Variants in SLC24A2 observed in about 807,000 individuals in gnomAD.
SLC24A2 encodes the protein solute carrier family 24 member 2.
A neutral mutation model predicts 62.0 loss-of-function variants in SLC24A2; 36 were observed. The ratio of observed to expected loss-of-function variants is 0.58; its 90% CI spans 0.44 to 0.77. The LOEUF (loss-of-function observed/expected upper bound fraction) is 0.77, where lower values mean the gene tolerates loss of function less well. Among genes scored for constraint, SLC24A2 ranks in the 30% least tolerant of loss-of-function variants. SLC24A2 has a pLI of 0.00. For missense variants in SLC24A2, 846 were observed against 817.9 expected (o/e 1.03, Z -0.42); for synonymous variants, 358 against 294.0 (o/e 1.22, Z -2.23).
chr9:20,292,735 A>G, the SLC24A2 span, among the ~76,000 whole-genome samples: 1 of 152,160 alleles, frequency 6.6e-6, no homozygotes, highest in African/African-American at 2.4e-5. Context: ...GGCCACAGGC[A>G]TGCACCACCA....
At chr9:20,159,421 G>A in the SLC24A2 span, among the ~76,000 whole-genome samples, 6 of 151,484 alleles carry the variant, frequency 4.0e-5, no homozygotes, top group African/African-American at 1.5e-4. Context: ...CTTGGCCCCA[G>A]AAACCAATTT....
At chr9:19,636,727 C>T (rs946037096) in intron 2 of SLC24A2, among the ~76,000 whole-genome samples, 3 of 152,032 alleles carry the variant, frequency 2.0e-5, no homozygotes, top group Non-Finnish European at 4.4e-5. Flanking sequence ...AGCCACCACG[C>T]CTGGCCAGTA....
the SLC24A2 span, among the ~76,000 whole-genome samples, chr9:20,225,560 T>TTATATATATATATATACTATA: frequency 1.0e-5 from 1 of 100,270 alleles, no homozygotes; most frequent in Admixed American, 1.1e-4. Context: ...ACTATATATA[T>TTATATATATATATATACTATA]TATATATATA....
the SLC24A2 span, among the ~76,000 whole-genome samples, chr9:20,270,012 G>GA: frequency 6.6e-6 from 1 of 152,180 alleles, no homozygotes; most frequent in Non-Finnish European, 1.5e-5. Context: ...ACATGGTGGA[G>GA]AATTTCAAAG....
chr9:19,995,054 C>A, the SLC24A2 span, among the ~76,000 whole-genome samples: 1 of 150,050 alleles, frequency 6.7e-6, no homozygotes, highest in Non-Finnish European at 1.5e-5. Context: ...GGGATTTAAC[C>A]CCTGTGGTAG....
intron 7 of SLC24A2, among the ~76,000 whole-genome samples, chr9:19,571,075 A>C (rs1045280892): frequency 6.6e-6 from 1 of 152,206 alleles, no homozygotes; most frequent in African/African-American, 2.4e-5. Flanking sequence ...TCTGTCAGCC[A>C]GATGGAGAGG....
the SLC24A2 span, among the ~76,000 whole-genome samples, chr9:20,282,999 T>G: frequency 2.0e-5 from 3 of 152,198 alleles, no homozygotes; most frequent in South Asian, 6.2e-4. Flanking sequence ...GTTAAGACTG[T>G]TAATACACAT....
At chr9:20,167,265 T>C in the SLC24A2 span, among the ~76,000 whole-genome samples, 378 of 152,142 alleles carry the variant, frequency 2.5e-3, 3 homozygotes, top group African/African-American at 8.2e-3. Flanking sequence ...AACTCTTTCA[T>C]ACATTTGTTT....
chr9:19,559,898 G>C (rs1835306791), intron 7 of SLC24A2, among the ~76,000 whole-genome samples: 1 of 152,138 alleles, frequency 6.6e-6, no homozygotes, highest in Admixed American at 6.5e-5. Context: ...ACTTGAAATT[G>C]AAATATGGGA....
intron 7 of SLC24A2, 142 bp downstream of exon 7, chr9:19,573,209 A>C (rs1030220675): frequency 7.9e-6 from 5 of 632,372 alleles, no homozygotes; most frequent in Non-Finnish European, 1.4e-5. Context: ...ACTGGGAAAT[A>C]CACACAAGGA....
the SLC24A2 span, among the ~76,000 whole-genome samples, chr9:20,298,513 GCCA>G: frequency 6.6e-6 from 1 of 152,218 alleles, no homozygotes. Flanking sequence ...ACAGGCGTGA[GCCA>G]CCGCACCCGG....
chr9:19,775,736 A>G (rs1822827415), intron 2 of SLC24A2, among the ~76,000 whole-genome samples: 1 of 152,200 alleles, frequency 6.6e-6, no homozygotes, highest in African/African-American at 2.4e-5. Context: ...CGGAATTAAG[A>G]AAAGGCACCC....
the SLC24A2 span, among the ~76,000 whole-genome samples, chr9:19,912,245 G>A: frequency 1.4e-3 from 212 of 152,160 alleles, no homozygotes; most frequent in Non-Finnish European, 2.1e-3. Context: ...TCATCCTGGT[G>A]AGCTATCATT....
the SLC24A2 span, among the ~76,000 whole-genome samples, chr9:20,243,490 A>T: frequency 6.6e-6 from 1 of 152,204 alleles, no homozygotes; most frequent in African/African-American, 2.4e-5. Context: ...ATATTAAAGC[A>T]TGTTAGAAAA....
chr9:20,187,255 A>G, the SLC24A2 span, among the ~76,000 whole-genome samples: 1 of 152,238 alleles, frequency 6.6e-6, no homozygotes, highest in Non-Finnish European at 1.5e-5. Context: ...TAGGTTCTAC[A>G]TAAGACCTAC....
the SLC24A2 span, among the ~76,000 whole-genome samples, chr9:19,820,226 G>A: frequency 4.0e-5 from 6 of 150,556 alleles, no homozygotes; most frequent in East Asian, 1.2e-3. Context: ...TATGTGGAAA[G>A]CTAAGCTGTG....
At chr9:19,604,827 C>G (rs772191734) in intron 4 of SLC24A2, among the ~76,000 whole-genome samples, 1 of 152,212 alleles carries the variant, frequency 6.6e-6, no homozygotes, top group Non-Finnish European at 1.5e-5. Flanking sequence ...ATATTCTACA[C>G]TACAGTATTG....
chr9:20,170,254 C>T, the SLC24A2 span, among the ~76,000 whole-genome samples: 2 of 150,846 alleles, frequency 1.3e-5, no homozygotes, highest in Non-Finnish European at 3.0e-5. Context: ...ATGCTTGGTG[C>T]CACAAAGTGA....
At chr9:19,916,178 A>T in the SLC24A2 span, among the ~76,000 whole-genome samples, 1 of 151,992 alleles carries the variant, frequency 6.6e-6, no homozygotes, top group Non-Finnish European at 1.5e-5. Context: ...TTCCTCATTT[A>T]GTGGTCTTGG....
Sources: allele counts gnomAD v4.1 joint callset (sites outside exome capture counted in the v4.1 genomes callset), GRCh38; gene constraint gnomAD v4.1.1; transcripts MANE v1.5; gene names NCBI Gene and HGNC (gene_info 2026-07-23, HGNC 2026-07-21).